The following SPMIP11 variants were observed in gnomAD, a reference collection of about 807,000 sequenced individuals.
SPMIP11 encodes the protein long intergenic non-protein coding RNA 935.
the SPMIP11 span, among the ~76,000 whole-genome samples, chr12:48,737,350 C>T: frequency 2.0e-5 from 3 of 151,896 alleles, no homozygotes; most frequent in African/African-American, 7.3e-5. Context: ...TATGAACACT[C>T]CATGAGCTCT....
chr12:48,732,443 TAGCAAGCTTGGATCA>T, the SPMIP11 span, among the ~76,000 whole-genome samples: 1 of 152,090 alleles, frequency 6.6e-6, no homozygotes, highest in Non-Finnish European at 1.5e-5. Flanking sequence ...GGCATCAAGC[TAGCAAGCTTGGATCA>T]ATTAACAAAT....
the SPMIP11 span, among the ~76,000 whole-genome samples, chr12:48,750,114 G>A: frequency 6.6e-6 from 1 of 151,984 alleles, no homozygotes; most frequent in Admixed American, 6.6e-5. Context: ...TACTTTGGGA[G>A]GCCGAGGCAG....
chr12:48,753,998 C>T, the SPMIP11 span, among the ~76,000 whole-genome samples: 7 of 152,046 alleles, frequency 4.6e-5, no homozygotes, highest in African/African-American at 1.4e-4. Context: ...CCACTGTCTC[C>T]GGCTTTTCAA....
chr12:48,733,733 G>C, the SPMIP11 span, among the ~76,000 whole-genome samples: 1 of 150,288 alleles, frequency 6.7e-6, no homozygotes, highest in Non-Finnish European at 1.5e-5. Context: ...CCAAGGATAA[G>C]AGGGGACTAC....
chr12:48,765,475 C>T, the SPMIP11 span: 6 of 626,524 alleles, frequency 9.6e-6, no homozygotes, highest in South Asian at 1.8e-5. Context: ...GTGATCCACC[C>T]GCCAGGGCCT....
the SPMIP11 span, among the ~76,000 whole-genome samples, chr12:48,766,028 A>C: frequency 6.6e-6 from 1 of 152,066 alleles, no homozygotes; most frequent in Non-Finnish European, 1.5e-5. Flanking sequence ...GAGTAGTCAC[A>C]CTCTGAAGAT....
chr12:48,770,860 G>C, the SPMIP11 span: 1 of 1,614,242 alleles, frequency 6.2e-7, no homozygotes, highest in African/African-American at 1.3e-5. Flanking sequence ...CAGTGATGTG[G>C]GAGCGGCCCA....
chr12:48,767,604 G>A, the SPMIP11 span: 4 of 152,664 alleles, frequency 2.6e-5, no homozygotes, highest in Admixed American at 1.3e-4. Flanking sequence ...GGGCAGGTTT[G>A]GGATCAGGGT....
At chr12:48,761,915 G>A in the SPMIP11 span, among the ~76,000 whole-genome samples, 1 of 147,870 alleles carries the variant, frequency 6.8e-6, no homozygotes, top group South Asian at 2.1e-4. Context: ...ATAGAGACAA[G>A]GTCTGGCTAT....
At chr12:48,762,881 G>A in the SPMIP11 span, among the ~76,000 whole-genome samples, 1 of 152,022 alleles carries the variant, frequency 6.6e-6, no homozygotes, top group African/African-American at 2.4e-5. Flanking sequence ...AAGAGTAAAA[G>A]GTACACATGA....
At chr12:48,762,039 A>G in the SPMIP11 span, among the ~76,000 whole-genome samples, 2 of 140,080 alleles carry the variant, frequency 1.4e-5, no homozygotes, top group Non-Finnish European at 3.1e-5. Context: ...TAACACTCTT[A>G]TAACATTCTT....
the SPMIP11 span, among the ~76,000 whole-genome samples, chr12:48,756,758 T>C: frequency 6.7e-6 from 1 of 149,420 alleles, no homozygotes; most frequent in Non-Finnish European, 1.5e-5. Flanking sequence ...GATGCAGAGA[T>C]GGATTTTTTT....
At chr12:48,743,933 C>CAAAAAAAAAAA in the SPMIP11 span, among the ~76,000 whole-genome samples, 39 of 34,894 alleles carry the variant, frequency 1.1e-3, 1 homozygote, top group African/African-American at 4.0e-3. Flanking sequence ...GACTTCGTCT[C>CAAAAAAAAAAA]AAAAAAAAAA....
the SPMIP11 span, among the ~76,000 whole-genome samples, chr12:48,750,738 A>G: frequency 9.8e-5 from 15 of 152,288 alleles, no homozygotes; most frequent in East Asian, 2.9e-3. Flanking sequence ...TAATTCAGGG[A>G]ACCCACAGTT....
At chr12:48,730,519 A>G in the SPMIP11 span, among the ~76,000 whole-genome samples, 1 of 152,202 alleles carries the variant, frequency 6.6e-6, no homozygotes, top group Admixed American at 6.5e-5. Context: ...AGCACTTTAT[A>G]ATAAACAACT....
the SPMIP11 span, among the ~76,000 whole-genome samples, chr12:48,738,307 C>T: frequency 5.8e-4 from 89 of 152,198 alleles, no homozygotes; most frequent in African/African-American, 2.1e-3. Flanking sequence ...CAACTTATCT[C>T]GATAATTCTG....
the SPMIP11 span, among the ~76,000 whole-genome samples, chr12:48,742,204 A>C: frequency 4.7e-4 from 71 of 150,986 alleles, no homozygotes; most frequent in African/African-American, 1.6e-3. Flanking sequence ...CACCTCACCT[A>C]GCCCCCAGCT....
At chr12:48,730,138 T>G in the SPMIP11 span, among the ~76,000 whole-genome samples, 2 of 152,166 alleles carry the variant, frequency 1.3e-5, no homozygotes, top group Admixed American at 6.6e-5. Flanking sequence ...CCCAGTTAGC[T>G]ACTTAAGCAC....
the SPMIP11 span, chr12:48,736,273 G>A: frequency 3.0e-5 from 9 of 303,502 alleles, no homozygotes; most frequent in East Asian, 3.3e-4. Context: ...TTAGCCAGGC[G>A]TGGTGATGCA....
Sources: gnomAD v4.1 joint callset for allele counts (sites outside exome capture counted in the v4.1 genomes callset) on GRCh38, gnomAD v4.1.1 for gene constraint, MANE v1.5 for transcripts, NCBI Gene and HGNC (gene_info 2026-07-23, HGNC 2026-07-21) for gene names.